SERGEF: variants seen among roughly 807,000 people sequenced by gnomAD.
SERGEF encodes secretion regulating guanine nucleotide exchange factor.
A neutral mutation model predicts 50.0 loss-of-function variants in SERGEF; 51 were observed. The ratio of observed to expected loss-of-function variants is 1.02; its 90% CI spans 0.81 to 1.29. The LOEUF is 1.29. SERGEF is among the 50% of genes most tolerant of loss of function. The pLI is 0.00. For missense variants in SERGEF, 521 were observed against 557.0 expected (o/e 0.94, Z 0.65); for synonymous variants, 205 against 212.4 (o/e 0.97, Z 0.30).
At chr11:17,975,670 A>T (rs1853356162) in intron 8 of SERGEF, among the ~76,000 whole-genome samples, 1 of 151,970 alleles carries the variant, frequency 6.6e-6, no homozygotes, top group Non-Finnish European at 1.5e-5. Context: ...AACAGAGGAG[A>T]CTGCAAGAGC....
At position 17,907,163 on chromosome 11, in the gene SERGEF, C is replaced by CAA. The variant is rs200442630; in HGVS notation, c.1012-28921_1012-28920dup. On this transcript the variant is annotated intron_variant, in intron 9 of 10. Coordinates refer to ENST00000265965, the MANE Select transcript of SERGEF (RefSeq NM_012139.4). ...TCTGTCAAACTGTCAAACTTATGAC[C>CAA]AAAAAAAAAAAAAAAAAAAATGTAC... Among the ~76,000 whole-genome samples the CAA allele has an allele frequency of 0.02, 2,273 of 116,558 alleles. 129 individuals carry two copies. The East Asian group carries it at 0.23, about 12-fold the overall frequency. 76.5% of individuals were successfully genotyped at this position (116,558 alleles called of 152,430 possible).
chr11:17,906,838 A>AC (rs1851853403), intron 9 of SERGEF, among the ~76,000 whole-genome samples: 1 of 151,798 alleles, frequency 6.6e-6, no homozygotes, highest in South Asian at 2.1e-4. Context: ...AAAAAAAAAA[A>AC]AAAACCTCAG....
At chr11:17,984,680 C>A (rs1440891952) in intron 8 of SERGEF, among the ~76,000 whole-genome samples, 1 of 152,162 alleles carries the variant, frequency 6.6e-6, no homozygotes, top group Non-Finnish European at 1.5e-5. Context: ...AGGGTGGTGA[C>A]AATGGAGACA....
chr11:17,877,570 G>T (rs1456393195), intron 10 of SERGEF, among the ~76,000 whole-genome samples: 1 of 152,186 alleles, frequency 6.6e-6, no homozygotes, highest in Non-Finnish European at 1.5e-5. Context: ...ACTGAACTCA[G>T]GCAGTCTGGC....
intron 9 of SERGEF, among the ~76,000 whole-genome samples, chr11:17,907,479 T>C (rs982523648): frequency 6.6e-6 from 1 of 152,234 alleles, no homozygotes; most frequent in Non-Finnish European, 1.5e-5. Context: ...CTTCTCACAA[T>C]GAGAATTAGT....
At chr11:17,959,444 T>G (rs752681406) in intron 9 of SERGEF, 26 bp downstream of exon 9, 1 of 1,597,252 alleles carries the variant, frequency 6.3e-7, no homozygotes, top group Non-Finnish European at 8.6e-7. Context: ...AGGGACAGAT[T>G]ACATCTGTGA....
At chr11:18,008,110 G>A (rs1440928616) in intron 1 of SERGEF, 34 bp from the exon 2 acceptor site, 3 of 1,601,608 alleles carry the variant, frequency 1.9e-6, no homozygotes, top group African/African-American at 2.7e-5. Flanking sequence ...GAAAAAGTGT[G>A]GGAACCACAA....
At chr11:17,818,374 A>C (rs1850018674) in intron 10 of SERGEF, among the ~76,000 whole-genome samples, 1 of 152,246 alleles carries the variant, frequency 6.6e-6, no homozygotes. Flanking sequence ...AAAATGAAGT[A>C]GGAAATTTTA....
intron 10 of SERGEF, among the ~76,000 whole-genome samples, chr11:17,799,562 A>G (rs1355298209): frequency 6.6e-6 from 1 of 152,240 alleles, no homozygotes. Flanking sequence ...GGTCACCACC[A>G]GAGCCTCCTT....
intron 9 of SERGEF, among the ~76,000 whole-genome samples, chr11:17,944,366 G>A (rs921360704): frequency 6.6e-6 from 1 of 152,140 alleles, no homozygotes; most frequent in African/African-American, 2.4e-5. Flanking sequence ...AATAAACACT[G>A]ATATGTAACT....
intron 10 of SERGEF, among the ~76,000 whole-genome samples, chr11:17,834,510 CTTA>C (rs1348409936): frequency 2.0e-5 from 3 of 152,146 alleles, no homozygotes; most frequent in African/African-American, 7.2e-5. Flanking sequence ...ACTTATTAAA[CTTA>C]TTAAGTTTTT....
At chr11:17,792,573 T>G (rs1021383313) in intron 10 of SERGEF, among the ~76,000 whole-genome samples, 1 of 152,248 alleles carries the variant, frequency 6.6e-6, no homozygotes, top group South Asian at 2.1e-4. Flanking sequence ...AGGATTTTCA[T>G]GCCCACTGGG....
chr11:17,933,690 A>G (rs1033471353), intron 9 of SERGEF, among the ~76,000 whole-genome samples: 16 of 150,468 alleles, frequency 1.1e-4, no homozygotes, highest in African/African-American at 3.9e-4. Flanking sequence ...AGAACAAACT[A>G]CTTGTAAAAT....
chr11:17,906,839 A>AAC (rs903814729), intron 9 of SERGEF, among the ~76,000 whole-genome samples: 2 of 151,810 alleles, frequency 1.3e-5, no homozygotes, highest in African/African-American at 2.4e-5. Context: ...AAAAAAAAAA[A>AAC]AAACCTCAGG....
chr11:17,791,681 T>C (rs1849486266), intron 10 of SERGEF, among the ~76,000 whole-genome samples: 1 of 152,270 alleles, frequency 6.6e-6, no homozygotes, highest in African/African-American at 2.4e-5. Context: ...ACTTACTAGT[T>C]GTGCCGCTTC....
intron 3 of SERGEF, 53 bp downstream of exon 3, chr11:18,006,538 G>A: frequency 3.2e-6 from 5 of 1,544,076 alleles, no homozygotes; most frequent in Non-Finnish European, 4.4e-6. Flanking sequence ...TCATCATACT[G>A]TTCTCACCCA....
intron 10 of SERGEF, among the ~76,000 whole-genome samples, chr11:17,850,106 C>T (rs186503183): frequency 1.0e-3 from 156 of 152,118 alleles, no homozygotes; most frequent in Middle Eastern, 0.01. Context: ...AGAACACATG[C>T]GAGAGAGAGC....
At chr11:17,962,623 G>T (rs1294244522) in intron 8 of SERGEF, among the ~76,000 whole-genome samples, 1 of 152,168 alleles carries the variant, frequency 6.6e-6, no homozygotes, top group African/African-American at 2.4e-5. Flanking sequence ...AATTTATAAG[G>T]CATGTCCATG....
At chr11:17,999,280 G>GT (rs1853909580) in intron 5 of SERGEF, among the ~76,000 whole-genome samples, 4 of 152,168 alleles carry the variant, frequency 2.6e-5, no homozygotes, top group African/African-American at 9.7e-5. Context: ...TATCTTGACT[G>GT]TATCAATGTT....
Sources: allele counts gnomAD v4.1 joint callset (sites outside exome capture counted in the v4.1 genomes callset), GRCh38; gene constraint gnomAD v4.1.1; transcripts MANE v1.5; gene names NCBI Gene and HGNC (gene_info 2026-07-23, HGNC 2026-07-21).